The following ARHGAP45 variants were observed in gnomAD, a reference collection of about 807,000 sequenced individuals.
ARHGAP45 encodes Rho GTPase activating protein 45.
A neutral mutation model predicts 116.1 loss-of-function variants in ARHGAP45; 56 were observed. That is an observed-to-expected ratio of 0.48 (90% CI 0.39 to 0.60). The LOEUF (loss-of-function observed/expected upper bound fraction) is 0.60, where lower values mean the gene tolerates loss of function less well. ARHGAP45 is among the 20% of genes least tolerant of loss of function. The probability of loss-of-function intolerance (pLI) is 0.00; values close to 1 mark genes in which losing one functional copy is unlikely to be tolerated. For synonymous variants in ARHGAP45, 866 were observed against 701.7 expected (o/e 1.23, Z -3.70); for missense variants, 1,622 against 1,601.0 (o/e 1.01, Z -0.22).
chr19:1,080,558 C>T lies in ARHGAP45; in HGVS notation c.1912+11C>T. ...CCGGCCCTGGCGCAGGTGAGGGAGG[C>T]TCTCTGGCGGGCTGGGGTGTGGAGC... On this transcript the variant is annotated intron_variant, in intron 15 of 22. Coordinates refer to ENST00000313093, the MANE Select transcript of ARHGAP45 (RefSeq NM_012292.5). 1 of 1,612,242 alleles carries T rather than the reference C, an allele frequency of 6.2e-7. No individual in the cohort carries two copies. Among genetic ancestry groups the T allele is most frequent in the Non-Finnish European group, 8.5e-7 (1 of 1,179,444 alleles).
chr19:1,082,083 G>A, intron 19 of ARHGAP45, 122 bp downstream of exon 19: 2 of 1,038,928 alleles, frequency 1.9e-6, no homozygotes, highest in Non-Finnish European at 2.7e-6. Context: ...CGCAAGCGGG[G>A]GCCTGGGGAG....
In ARHGAP45 at chr19:1,074,004, C is replaced by G. The variant is rs773818879; in HGVS notation, c.780C>G (p.Asp260Glu). The change falls in exon 6 of 23, where the codon GAC (aspartate) becomes GAG (glutamate). Residue 260 changes from aspartate to glutamate, a missense_variant. By Grantham distance (45) the Asp-to-Glu change is conservative. Coordinates refer to ENST00000313093, the MANE Select transcript of ARHGAP45 (RefSeq NM_012292.5). ...AGGGCACGCCTCCCAGCCTGGAAGA[C>G]TGTGACGCCGGTAAGCCCCCACCCA... The part of the protein sequence containing the change: ...GSEGTPPSLE[D>E]CDAGCLPAEE... 19 of 1,597,072 alleles carry G rather than the reference C, an allele frequency of 1.2e-5. No individual in the cohort carries two copies. Among genetic ancestry groups the G allele is most frequent in the Non-Finnish European group, 1.4e-5 (17 of 1,172,692 alleles).
intron 2 of ARHGAP45, among the ~76,000 whole-genome samples, chr19:1,072,360 C>T (rs1325664633): frequency 6.6e-6 from 1 of 152,148 alleles, no homozygotes; most frequent in African/African-American, 2.4e-5. Flanking sequence ...GTGCTTGGCC[C>T]TCTCTGCTTT....
Position 1,068,809 on chromosome 19 carries a change from G to A in ARHGAP45, c.421+65G>A, listed in dbSNP as rs75181293. 0.094 allele frequency: 141,272 copies of A among 1,495,448 alleles called. 7,273 individuals carry two copies. Among genetic ancestry groups the A allele is most frequent in the South Asian group, 0.17 (14,343 of 85,130 alleles). The allele number at this position is 1,495,448 out of a possible 1,614,324, so 92.6% of individuals were successfully genotyped here. A position where few individuals can be genotyped will look rare whatever the true frequency, so the allele number is the denominator to read the frequency against. On this transcript the variant is annotated intron_variant, in intron 2 of 22. Coordinates refer to ENST00000313093, the MANE Select transcript of ARHGAP45 (RefSeq NM_012292.5). This position sits in a 1 kb window ranked among gnomAD's most constrained non-coding sequence, Gnocchi z 7.5. ...GAGCCAGACCCAAGGGAGGATGGAG[G>A]GAGGGACTTGGGGAGGCTCAGAAGG...
At position 1,071,432 on chromosome 19, in the gene ARHGAP45, G is replaced by T. The variant is rs1261783550; in HGVS notation, c.422-1717G>T. The T allele has an allele frequency of 3.1e-5, 33 of 1,066,870 alleles. No homozygotes were observed. Among genetic ancestry groups the T allele is most frequent in the Non-Finnish European group, 3.8e-5 (33 of 877,356 alleles). The allele number at this position is 1,066,870 out of a possible 1,614,324, so 66.1% of individuals were successfully genotyped here. ...GTGGCGCTCGGGCCGTTTGCCGCCCGCGGTGGGGGAGCAGCGGCTGCCGCG... is the reference window on the plus strand; with the variant it reads ...GTGGCGCTCGGGCCGTTTGCCGCCCTCGGTGGGGGAGCAGCGGCTGCCGCG... On this transcript the variant is annotated intron_variant, in intron 2 of 22. Transcript: ENST00000313093. This position sits in a 1 kb window ranked among gnomAD's most constrained non-coding sequence, Gnocchi z 4.6.
chr19:1,073,262 G>T lies in ARHGAP45; in HGVS notation c.535G>T (p.Ala179Ser). The change falls in exon 3 of 23, where the codon GCA becomes TCA. Residue 179 changes from alanine to serine, a missense_variant. By Grantham distance (99) the Ala-to-Ser change is moderately conservative. Transcript: ENST00000313093. The part of the protein sequence containing the change: ...PLLNTVETLT[A>S]AGTLIAKVKA... ...GCTGAACACCGTGGAGACGCTCACC[G>T]CAGCCGGCACCCTCATTGCCAAGGT... The T allele has an allele frequency of 6.2e-7, 1 of 1,613,598 alleles. No individual in the cohort carries two copies. Among genetic ancestry groups the T allele is most frequent in the Non-Finnish European group, 8.5e-7 (1 of 1,179,996 alleles).
At chr19:1,067,033 C>G (rs1443694717), upstream of ARHGAP45, 1 of 333,438 alleles carries the variant, frequency 3.0e-6, no homozygotes, top group East Asian at 1.4e-4. Context: ...CAGTCGGCCG[C>G]CCCGTGCCCG....
chr19:1,073,392 G>T, intron 3 of ARHGAP45, 100 bp downstream of exon 3: 2 of 1,575,020 alleles, frequency 1.3e-6, no homozygotes, highest in South Asian at 2.3e-5. Flanking sequence ...ATAGGAGTTT[G>T]ACAGGCACAA....
At chr19:1,066,550 C>T (rs2043034783), upstream of ARHGAP45, 1 of 209,658 alleles carries the variant, frequency 4.8e-6, no homozygotes, top group Admixed American at 5.4e-5. Flanking sequence ...GTGGGGTCCA[C>T]ACCACACTTT....
At position 1,074,174 on chromosome 19, in the gene ARHGAP45, G is replaced by A. The variant is rs746251617; in HGVS notation, c.861G>A (p.Leu287=). The part of the protein sequence containing the change: ...RCEGGVDAAL[L]YAKNMAKYMK... ...AGGGGGGCGTGGATGCCGCACTGCT[G>A]TATGCCAAGAACATGGCCAAGTACA... Residue 287 remains leucine, a synonymous_variant, in exon 7 of 23, where the codon CTG becomes CTA. Transcript: ENST00000313093. 4.3e-6 allele frequency: 7 copies of A among 1,613,366 alleles called. No homozygotes were observed. Among genetic ancestry groups the A allele is most frequent in the Non-Finnish European group, 5.9e-6 (7 of 1,180,016 alleles).
At chr19:1,078,197 G>T (rs1404498337) in intron 11 of ARHGAP45, 152 bp downstream of exon 11, 1 of 1,305,530 alleles carries the variant, frequency 7.7e-7, no homozygotes, top group Non-Finnish European at 1.0e-6. Flanking sequence ...AGGCTGGAGT[G>T]CAGTGGCACA....
intron 10 of ARHGAP45, among the ~76,000 whole-genome samples, chr19:1,075,394 G>A (rs1223789565): frequency 6.6e-6 from 1 of 151,844 alleles, no homozygotes; most frequent in Non-Finnish European, 1.5e-5. Context: ...ACAGAAGCAC[G>A]CCACCACACC....
chr19:1,083,952 G>T (rs1177454973), intron 21 of ARHGAP45, among the ~76,000 whole-genome samples: 3 of 152,154 alleles, frequency 2.0e-5, no homozygotes, highest in Non-Finnish European at 4.4e-5. Context: ...TGTTGGCCAG[G>T]CTGGTCTCGA....
intron 11 of ARHGAP45, among the ~76,000 whole-genome samples, chr19:1,079,405 G>A (rs1277255316): frequency 6.6e-6 from 1 of 150,838 alleles, no homozygotes; most frequent in Non-Finnish European, 1.5e-5. Flanking sequence ...TACTTGGGAG[G>A]CTGAGGCAGA....
At chr19:1,083,507 C>T (rs574191041) in intron 21 of ARHGAP45, among the ~76,000 whole-genome samples, 154 bp downstream of exon 21, 1 of 152,116 alleles carries the variant, frequency 6.6e-6, no homozygotes, top group African/African-American at 2.4e-5. Flanking sequence ...CTTTTTGTGT[C>T]TTTTATGCAA....
rs1246246903 is a variant in ARHGAP45 at position 1,076,481 on chromosome 19, GTCTTTTTTTTT to G, written c.1186-1374_1186-1364del. Among the ~76,000 whole-genome samples the G allele has an allele frequency of 9.1e-3, 951 of 104,136 alleles. 19 individuals carry two copies. Among genetic ancestry groups the G allele is most frequent in the African/African-American group, 0.035 (886 of 25,310 alleles). 68.3% of individuals were successfully genotyped at this position (104,136 alleles called of 152,430 possible). On this transcript the variant is annotated intron_variant, in intron 10 of 22. Transcript: ENST00000313093. The stretch of plus-strand genomic sequence containing the variant: ...TAGAAACCTGTGATTGTTGGCAGTA[GTCTTTTTTTTT>G]TTTTTTTTTTTTTTTTTTTTTGAGA...
At position 1,079,785 on chromosome 19, in the gene ARHGAP45, C is replaced by T. The variant is rs753518677; in HGVS notation, c.1457C>T (p.Thr486Met). Residue 486 changes from threonine (T) to methionine (M), a missense_variant, in exon 12 of 23, where the codon ACG becomes ATG. By Grantham distance (81) the Thr-to-Met change is moderately conservative. Transcript: ENST00000313093. ...CAGGAGCTGGAGGATACCAAGGTGA[C>T]GGCGCTGCGGCAGATCCAGGAGGTC... is the stretch of plus-strand genomic sequence containing the variant. ...QKQELEDTKV[T>M]ALRQIQEVIR... is the part of the protein sequence containing the mutation. 9.9e-6 allele frequency: 16 copies of T among 1,611,160 alleles called. No homozygotes were observed. Among genetic ancestry groups the T allele is most frequent in the African/African-American group, 1.3e-5 (1 of 75,026 alleles).
At position 1,067,352 on chromosome 19, in the gene ARHGAP45, T is replaced by G; in HGVS notation, c.-54T>G. 6.7e-7 allele frequency: 1 copy of G among 1,501,044 alleles called. No individual in the cohort carries two copies. The allele number at this position is 1,501,044 out of a possible 1,614,324, so 93.0% of individuals were successfully genotyped here. A position where few individuals can be genotyped will look rare whatever the true frequency, so the allele number is the denominator to read the frequency against. On this transcript the variant is annotated 5_prime_UTR_variant, in exon 1 of 23. Coordinates refer to ENST00000313093, the MANE Select transcript of ARHGAP45 (RefSeq NM_012292.5). ...TCCCGAAGCGGCCAGCGCCGGGAGC[T>G]GCAGCGCTGAGACCCCCAGCCCGCC...
chr19:1,067,638 A>G, intron 1 of ARHGAP45, 143 bp downstream of exon 1: 1 of 825,774 alleles, frequency 1.2e-6, no homozygotes, highest in Non-Finnish European at 2.0e-6. Context: ...GGCAGGGGCC[A>G]CAGCAGAGAG....
Sources: gnomAD v4.1 joint callset for allele counts (sites outside exome capture counted in the v4.1 genomes callset) on GRCh38, gnomAD v4.1.1 for gene constraint, Gnocchi (gnomAD v3.1) non-coding constraint, MANE v1.5 for transcripts, NCBI Gene and HGNC (gene_info 2026-07-23, HGNC 2026-07-21) for gene names.